The following MMP10 variants were observed in gnomAD, a reference collection of about 807,000 sequenced individuals.
The protein encoded by MMP10 is stromelysin-2.
Under a neutral mutation model 49.1 loss-of-function variants are expected in MMP10, and 50 were observed. The observed-to-expected ratio is 1.02, with a 90% CI of 0.81 to 1.29. MMP10 has a LOEUF of 1.29. Ranked by LOEUF, MMP10 falls within the 50% of genes most tolerant of loss-of-function variation. The probability of loss-of-function intolerance (pLI) is 0.00; values close to 1 mark genes in which losing one functional copy is unlikely to be tolerated. For synonymous variants in MMP10, 229 were observed against 201.6 expected, an observed-to-expected ratio of 1.14 and a Z score of -1.15; for missense variants, 613 against 563.8, an observed-to-expected ratio of 1.09 and a Z score of -0.88.
At chr11:102,774,223 T>C (rs897651097) in intron 7 of MMP10, among the ~76,000 whole-genome samples, 1 of 152,220 alleles carries the variant, frequency 6.6e-6, no homozygotes, top group Non-Finnish European at 1.5e-5. Flanking sequence ...GAAATGGTTA[T>C]TTATAGGTAT....
chr11:102,775,368 G>A (rs749888323), intron 6 of MMP10, 47 bp from the exon 7 acceptor site: 2 of 1,486,760 alleles, frequency 1.3e-6, no homozygotes, highest in Admixed American at 2.1e-5. Context: ...TTTTAGATAT[G>A]TGAAAAAAAA....
rs1861964899 is a variant in MMP10, at chr11:102,770,540, G to A, written c.*253C>T. The A allele has an allele frequency of 2.7e-6, 1 of 373,990 alleles. No individual in the cohort carries two copies. The highest frequency in any genetic ancestry group is 4.8e-6 in the Non-Finnish European group (1 of 210,256). The allele number at this position is 373,990 out of a possible 1,614,324, so 23.2% of individuals were successfully genotyped here. A position where few individuals can be genotyped will look rare whatever the true frequency, so the allele number is the denominator to read the frequency against. ...CAAAATAAAACTTTTTATTGAGGAA[G>A]TAATAACACATCTATGAAAATACAT... On this transcript the variant is annotated 3_prime_UTR_variant, in exon 10 of 10. Coordinates refer to ENST00000279441, the MANE Select transcript of MMP10 (RefSeq NM_002425.3).
At chr11:102,775,396 C>A in intron 6 of MMP10, 75 bp from the exon 7 acceptor site, 5 of 1,267,912 alleles carry the variant, frequency 3.9e-6, no homozygotes, top group Non-Finnish European at 5.4e-6. Flanking sequence ...TTTTTTAAAT[C>A]CATGCTAATT....
At chr11:102,771,266 C>G (rs1432795309) in intron 9 of MMP10, among the ~76,000 whole-genome samples, 1 of 152,124 alleles carries the variant, frequency 6.6e-6, no homozygotes, top group Non-Finnish European at 1.5e-5. Flanking sequence ...TACTTTCTTT[C>G]CAACCTCCCC....
In MMP10 at chr11:102,772,947, G is replaced by T. The variant is rs1425853910; in HGVS notation, c.1126C>A (p.His376Asn). ...ATGGTTGGAGGAAAACCCAGGGTAT[G>T]GATGCCTCTTGGATAACCTGCTTGT... ...EVQAGYPRGI[H>N]TLGFPPTIRK... Residue 376 changes from histidine (H) to asparagine (N), a missense_variant, in exon 8 of 10, where the codon CAT (histidine) becomes AAT (asparagine). Transcript: ENST00000279441. The surrounding 1 kb of genome is among the most constrained non-coding windows in gnomAD (Gnocchi z 4.4). 6.2e-7 allele frequency: 1 copy of T among 1,613,674 alleles called. No individual in the cohort carries two copies. The highest frequency in any genetic ancestry group is 1.1e-5 in the South Asian group (1 of 91,034).
chr11:102,777,406 C>T (rs1029073797), intron 4 of MMP10, among the ~76,000 whole-genome samples: 8 of 152,068 alleles, frequency 5.3e-5, no homozygotes, highest in Middle Eastern at 3.4e-3. Flanking sequence ...CAGGCACGTG[C>T]TACCATGCCC....
At chr11:102,775,750 T>A (rs768135567) in intron 6 of MMP10, among the ~76,000 whole-genome samples, 16 of 152,158 alleles carry the variant, frequency 1.1e-4, no homozygotes, top group Non-Finnish European at 2.2e-4. Flanking sequence ...CAAGCACATA[T>A]CACTTTTTTC....
intron 1 of MMP10, 141 bp from the exon 2 acceptor site, chr11:102,779,886 C>T: frequency 1.1e-6 from 1 of 942,106 alleles, no homozygotes; most frequent in Non-Finnish European, 1.5e-6. Flanking sequence ...TAAGACTCCC[C>T]ATTTCATACA....
At position 102,772,392 on chromosome 11, in the gene MMP10, C is replaced by T. The variant is rs1036929453; in HGVS notation, c.1227-277G>A. Among the ~76,000 whole-genome samples, 35 of 152,218 alleles carry T rather than the reference C, an allele frequency of 2.3e-4. No individual in the cohort carries two copies. Among genetic ancestry groups the T allele is most frequent in the African/African-American group, 8.0e-4 (33 of 41,460 alleles). ...GGTAAATTTTCTAAGCCTGGACACA[C>T]AGAAACCAAATTTCCCTGTGTCTAC... On this transcript the variant is annotated intron_variant, in intron 8 of 9. Transcript: ENST00000279441. This position sits in a 1 kb window ranked among gnomAD's most constrained non-coding sequence, Gnocchi z 4.4.
intron 6 of MMP10, 34 bp downstream of exon 6, chr11:102,776,246 G>T (rs17860974): frequency 1.9e-6 from 3 of 1,586,174 alleles, no homozygotes; most frequent in Admixed American, 1.8e-5. Flanking sequence ...TACATCAAAA[G>T]AATAGATAGG....
rs1033863653 is a variant in MMP10, at chr11:102,772,499, G to A, written c.1226+348C>T. Among the ~76,000 whole-genome samples, 9 of 152,144 alleles carry A rather than the reference G, an allele frequency of 5.9e-5. No homozygotes were observed. The highest frequency in any genetic ancestry group is 2.2e-4 in the African/African-American group (9 of 41,426). ...ATCACTTAGCTAAAAATAAACCTCT[G>A]GTTCTCAGTCACACTGGGACCCTGT... On this transcript the variant is annotated intron_variant, in intron 8 of 9. Coordinates refer to ENST00000279441, the MANE Select transcript of MMP10 (RefSeq NM_002425.3). The surrounding 1 kb of genome is among the most constrained non-coding windows in gnomAD (Gnocchi z 4.4).
At chr11:102,775,420 A>G in intron 6 of MMP10, 99 bp from the exon 7 acceptor site, 1 of 1,009,560 alleles carries the variant, frequency 9.9e-7, no homozygotes, top group Non-Finnish European at 1.4e-6. Context: ...CCATTCATAG[A>G]AGTCTGTATT....
rs143586799 is a variant in MMP10 at position 102,776,141 on chromosome 11, C to T, written c.932+139G>A. ...ATCTGTACAACAAACCCCTGTGACA[C>T]GAGTTTATCTATATAACAAACCTGC... On this transcript the variant is annotated intron_variant, in intron 6 of 9. Coordinates refer to ENST00000279441, the MANE Select transcript of MMP10 (RefSeq NM_002425.3). The T allele has an allele frequency of 3.9e-3, 2,550 of 657,616 alleles. 28 individuals carry two copies. Among genetic ancestry groups the T allele is most frequent in the East Asian group, 0.029 (1,000 of 34,998 alleles). The allele number at this position is 657,616 out of a possible 1,614,324, so 40.7% of individuals were successfully genotyped here.
intron 9 of MMP10, among the ~76,000 whole-genome samples, 189 bp from the exon 10 acceptor site, chr11:102,771,082 T>G (rs896179378): frequency 3.8e-4 from 58 of 152,238 alleles, no homozygotes; most frequent in African/African-American, 1.3e-3. Context: ...GATGTGTTAT[T>G]AATGAGAACA....
rs377586835 is a variant in MMP10, at chr11:102,776,787, A to G, written c.623-11T>C. On this transcript the variant is annotated splice_polypyrimidine_tract_variant and intron_variant, in intron 4 of 9. Coordinates refer to ENST00000279441, the MANE Select transcript of MMP10 (RefSeq NM_002425.3). ...GGAATAAATTGGTGCCTGTATGAAA[A>G]TCATAAATGTTCAGAATTCACCAGC... The G allele has an allele frequency of 1.2e-6, 2 of 1,613,708 alleles. No individual in the cohort carries two copies. Among genetic ancestry groups the G allele is most frequent in the African/African-American group, 2.7e-5 (2 of 74,898 alleles).
intron 2 of MMP10, 66 bp from the exon 3 acceptor site, chr11:102,779,427 C>T: frequency 2.5e-6 from 4 of 1,608,302 alleles, no homozygotes; most frequent in South Asian, 2.2e-5. Context: ...TTAAAGAAAA[C>T]TTTATGTTAC....
chr11:102,775,513 G>C (rs1013033087), intron 6 of MMP10, among the ~76,000 whole-genome samples, 192 bp from the exon 7 acceptor site: 1 of 151,998 alleles, frequency 6.6e-6, no homozygotes. Flanking sequence ...TATTTAGCTT[G>C]GTTCCATTCT....
intron 3 of MMP10, 124 bp from the exon 4 acceptor site, chr11:102,778,873 C>T: frequency 5.1e-6 from 6 of 1,167,790 alleles, no homozygotes; most frequent in Non-Finnish European, 6.1e-6. Context: ...TATGTTGAAA[C>T]TCAATGCCCA....
chr11:102,778,415 T>C (rs1365234309), intron 4 of MMP10, among the ~76,000 whole-genome samples: 3 of 152,182 alleles, frequency 2.0e-5, no homozygotes, highest in African/African-American at 7.2e-5. Context: ...TACAATATTG[T>C]ACTTGGTGGG....
Sources: gnomAD v4.1 joint callset for allele counts (sites outside exome capture counted in the v4.1 genomes callset) on GRCh38, gnomAD v4.1.1 for gene constraint, Gnocchi (gnomAD v3.1) non-coding constraint, MANE v1.5 for transcripts, NCBI Gene and HGNC (gene_info 2026-07-23, HGNC 2026-07-21) for gene names.